Variants in RFC3 observed in about 807,000 individuals in gnomAD.
RFC3 encodes the protein replication factor C subunit 3, also known as A1 38 kDa subunit.
RFC3 carries 41 observed loss-of-function variants against 45.1 expected under a neutral mutation model. The ratio of observed to expected loss-of-function variants is 0.91; its 90% CI spans 0.71 to 1.18. The LOEUF is 1.18. Among genes scored for constraint, RFC3 ranks in the 50% most tolerant of loss-of-function variants. RFC3 has a pLI of 0.00. For missense variants in RFC3, 423 were observed against 428.1 expected (o/e 0.99, Z 0.10); for synonymous variants, 149 against 144.0 (o/e 1.03, Z -0.25).
At chr13:33,903,625 A>G (rs1459541680) in intron 8 of RFC3, among the ~76,000 whole-genome samples, 1 of 152,066 alleles carries the variant, frequency 6.6e-6, no homozygotes, top group Non-Finnish European at 1.5e-5. Flanking sequence ...CTGGATTCAC[A>G]TATTTATGCA....
At chr13:33,861,151 C>T (rs2082338433) in intron 8 of RFC3, among the ~76,000 whole-genome samples, 1 of 151,864 alleles carries the variant, frequency 6.6e-6, no homozygotes, top group Non-Finnish European at 1.5e-5. Flanking sequence ...ATGTCATTGT[C>T]CTTAAAAAAT....
At chr13:33,828,726 A>G (rs1298392993) in intron 4 of RFC3, among the ~76,000 whole-genome samples, 2 of 152,134 alleles carry the variant, frequency 1.3e-5, no homozygotes, top group Non-Finnish European at 2.9e-5. Flanking sequence ...GGGTTTTGCT[A>G]TGTTGCCCAG....
chr13:33,913,395 CTCT>C (rs764773453), intron 8 of RFC3, among the ~76,000 whole-genome samples: 7 of 152,120 alleles, frequency 4.6e-5, no homozygotes, highest in Non-Finnish European at 1.0e-4. Context: ...ACTGCGGAAT[CTCT>C]TCTTCATAGC....
intron 8 of RFC3, among the ~76,000 whole-genome samples, chr13:33,897,487 G>A (rs974490883): frequency 6.6e-6 from 1 of 151,298 alleles, no homozygotes; most frequent in African/African-American, 2.4e-5. Flanking sequence ...TAACCATAAA[G>A]GAAAAGAGTA....
intron 8 of RFC3, among the ~76,000 whole-genome samples, chr13:33,860,698 T>C (rs1407951747): frequency 2.6e-5 from 4 of 152,168 alleles, no homozygotes; most frequent in Non-Finnish European, 5.9e-5. Context: ...CCGTGTTATA[T>C]TTCTGTCTGC....
intron 8 of RFC3, among the ~76,000 whole-genome samples, chr13:33,863,812 G>A (rs910041209): frequency 6.6e-6 from 1 of 152,146 alleles, no homozygotes; most frequent in Non-Finnish European, 1.5e-5. Flanking sequence ...CCAATTTTCA[G>A]AGTTCTACTG....
At chr13:33,821,040 C>T in intron 1 of RFC3, 92 bp from the exon 2 acceptor site, 1 of 1,283,304 alleles carries the variant, frequency 7.8e-7, no homozygotes. Context: ...CATGGGTAGA[C>T]ACATAAAATA....
intron 8 of RFC3, among the ~76,000 whole-genome samples, chr13:33,930,197 A>G (rs2082842796): frequency 6.6e-6 from 1 of 152,098 alleles, no homozygotes; most frequent in South Asian, 2.1e-4. Flanking sequence ...CTTATTAAGG[A>G]GTATTGACTC....
chr13:33,952,832 G>GT (rs895306280), intron 8 of RFC3, among the ~76,000 whole-genome samples: 9 of 151,352 alleles, frequency 5.9e-5, no homozygotes, highest in East Asian at 3.9e-4. Flanking sequence ...TCTTAGAAAG[G>GT]TTTTTTTTTC....
intron 8 of RFC3, among the ~76,000 whole-genome samples, chr13:33,872,799 C>CA (rs2082420559): frequency 7.2e-6 from 1 of 139,682 alleles, no homozygotes; most frequent in South Asian, 2.6e-4. Flanking sequence ...CAAACCCCCC[C>CA]CCCCAAAATA....
chr13:33,928,111 C>T (rs1052012822), intron 8 of RFC3, among the ~76,000 whole-genome samples: 7 of 151,914 alleles, frequency 4.6e-5, no homozygotes, highest in Non-Finnish European at 8.8e-5. Flanking sequence ...AAATTTCCAC[C>T]GCAGTGAAGT....
At chr13:33,828,304 T>C (rs1012634145) in intron 4 of RFC3, among the ~76,000 whole-genome samples, 3 of 152,200 alleles carry the variant, frequency 2.0e-5, no homozygotes, top group African/African-American at 7.2e-5. Context: ...TTGTGGAGCA[T>C]TGTCTTAGTC....
chr13:33,961,609 A>C (rs1368522154), intron 8 of RFC3, among the ~76,000 whole-genome samples: 4 of 152,238 alleles, frequency 2.6e-5, no homozygotes, highest in Non-Finnish European at 4.4e-5. Context: ...CTAGGTTTCC[A>C]GGGTAAAGGA....
At chr13:33,883,317 T>C (rs2082497616) in intron 8 of RFC3, among the ~76,000 whole-genome samples, 1 of 152,218 alleles carries the variant, frequency 6.6e-6, no homozygotes, top group South Asian at 2.1e-4. Context: ...AATGAGTGTT[T>C]AAAATTGCAT....
the RFC3 span, among the ~76,000 whole-genome samples, chr13:33,974,782 C>T: frequency 6.6e-6 from 1 of 152,072 alleles, no homozygotes; most frequent in African/African-American, 2.4e-5. Flanking sequence ...AAAAAGTTCC[C>T]CTTCATTTAT....
At chr13:33,884,253 C>T (rs1214996884) in intron 8 of RFC3, among the ~76,000 whole-genome samples, 1 of 152,204 alleles carries the variant, frequency 6.6e-6, no homozygotes, top group Non-Finnish European at 1.5e-5. Flanking sequence ...CTATAGAGTT[C>T]TACTTGATTG....
At chr13:33,963,592 A>C (rs1012762362) in intron 8 of RFC3, among the ~76,000 whole-genome samples, 2 of 152,198 alleles carry the variant, frequency 1.3e-5, no homozygotes, top group African/African-American at 2.4e-5. Flanking sequence ...CCTGATTACA[A>C]ACCTCGAGAT....
chr13:33,946,693 C>T (rs568187742), intron 8 of RFC3, among the ~76,000 whole-genome samples: 6 of 152,214 alleles, frequency 3.9e-5, no homozygotes, highest in African/African-American at 7.2e-5. Flanking sequence ...TATGTTGCTA[C>T]GGATGAAGTG....
Position 33,962,282 on chromosome 13 carries a change from AAC to A in RFC3, c.880-3801_880-3800del, listed in dbSNP as rs1018847291. Among the ~76,000 whole-genome samples, 13 of 152,180 alleles carry A rather than the reference AAC, an allele frequency of 8.5e-5. 2 individuals are homozygous for A. Among genetic ancestry groups the A allele is most frequent in the Admixed American group, 8.5e-4 (13 of 15,278 alleles). ...GATCTGCCAAAGAAAGGAGATCAAA[AAC>A]ACAGGCCATTAACCTGTCGGTGCCT... On this transcript the variant is annotated intron_variant, in intron 8 of 8. Coordinates refer to the RFC3 transcript ENST00000434425.
Sources: allele counts gnomAD v4.1 joint callset (sites outside exome capture counted in the v4.1 genomes callset), GRCh38; gene constraint gnomAD v4.1.1; transcripts MANE v1.5; gene names NCBI Gene and HGNC (gene_info 2026-07-23, HGNC 2026-07-21).